The following SYT1 variants were observed in gnomAD, a reference collection of about 807,000 sequenced individuals.
The protein encoded by SYT1 is synaptotagmin 1.
A neutral mutation model predicts 44.8 loss-of-function variants in SYT1; 8 were observed. That is an observed-to-expected ratio of 0.18 (90% CI 0.10 to 0.32). The LOEUF is 0.32. SYT1 is among the 10% of genes least tolerant of loss of function. The pLI is 1.00. For synonymous variants in SYT1, 154 were observed against 188.8 expected, an observed-to-expected ratio of 0.82 and a Z score of 1.51; for missense variants, 286 against 509.3, an observed-to-expected ratio of 0.56 and a Z score of 4.22.
At chr12:79,429,935 T>G (rs1180438657) in intron 9 of SYT1, among the ~76,000 whole-genome samples, 1 of 152,226 alleles carries the variant, frequency 6.6e-6, no homozygotes, top group Non-Finnish European at 1.5e-5. Flanking sequence ...ATGGATTTCC[T>G]ATTTATGAAA....
At chr12:79,420,012 C>T (rs575348100) in intron 9 of SYT1, among the ~76,000 whole-genome samples, 1 of 152,174 alleles carries the variant, frequency 6.6e-6, no homozygotes, top group African/African-American at 2.4e-5. Flanking sequence ...ATTAAAGTAA[C>T]GTTGTTACTT....
At chr12:79,153,671 G>A (rs1277234750) in intron 3 of SYT1, among the ~76,000 whole-genome samples, 2 of 152,092 alleles carry the variant, frequency 1.3e-5, no homozygotes, top group Admixed American at 6.6e-5. Context: ...TCGTTAAGTG[G>A]ACTTCATAGA....
At chr12:79,346,842 T>C (rs1371167036) in intron 8 of SYT1, among the ~76,000 whole-genome samples, 1 of 152,168 alleles carries the variant, frequency 6.6e-6, no homozygotes, top group African/African-American at 2.4e-5. Context: ...ATTATGTGCC[T>C]GGAGCTAGGC....
intron 4 of SYT1, among the ~76,000 whole-genome samples, chr12:79,251,828 T>C (rs763780193): frequency 2.0e-5 from 3 of 152,192 alleles, no homozygotes; most frequent in Non-Finnish European, 4.4e-5. Context: ...CTTACTTCCA[T>C]GCTTTGGAAA....
intron 9 of SYT1, among the ~76,000 whole-genome samples, chr12:79,375,147 G>A (rs1489181392): frequency 6.6e-6 from 1 of 151,660 alleles, no homozygotes; most frequent in African/African-American, 2.4e-5. Context: ...CATTTTCTTA[G>A]CTTACGACCT....
At chr12:79,349,017 A>AAGAAAGAAAG (rs1304528498) in intron 8 of SYT1, among the ~76,000 whole-genome samples, 11 of 138,752 alleles carry the variant, frequency 7.9e-5, no homozygotes, top group Non-Finnish European at 1.7e-4. Context: ...GAAAGAAAGA[A>AAGAAAGAAAG]AGAAAGAAAG....
At chr12:78,981,042 G>C (rs572871854) in intron 2 of SYT1, among the ~76,000 whole-genome samples, 5 of 151,794 alleles carry the variant, frequency 3.3e-5, no homozygotes, top group South Asian at 2.1e-4. Flanking sequence ...CTCATAAATG[G>C]TAGGCTTATA....
intron 8 of SYT1, among the ~76,000 whole-genome samples, chr12:79,317,084 G>T (rs1359621710): frequency 2.0e-5 from 3 of 152,110 alleles, no homozygotes; most frequent in Non-Finnish European, 4.4e-5. Context: ...CGGATACATC[G>T]AGTAGCTATT....
intron 3 of SYT1, among the ~76,000 whole-genome samples, chr12:79,083,656 C>T (rs1592732803): frequency 6.6e-6 from 1 of 151,740 alleles, no homozygotes; most frequent in African/African-American, 2.4e-5. Flanking sequence ...ATCTTTAAGT[C>T]TAGAAAATAG....
intron 3 of SYT1, among the ~76,000 whole-genome samples, chr12:79,123,108 A>G (rs1404001287): frequency 1.3e-5 from 2 of 152,194 alleles, no homozygotes; most frequent in Non-Finnish European, 2.9e-5. Flanking sequence ...AAAAGCTTCA[A>G]ACTAATTTAC....
chr12:79,121,203 C>A (rs954712467), intron 3 of SYT1, among the ~76,000 whole-genome samples: 1 of 151,926 alleles, frequency 6.6e-6, no homozygotes, highest in African/African-American at 2.4e-5. Context: ...CACGAGCATC[C>A]CATTGCCCAC....
chr12:79,423,683 C>T (rs1171167678), intron 9 of SYT1, among the ~76,000 whole-genome samples: 1 of 151,984 alleles, frequency 6.6e-6, no homozygotes, highest in East Asian at 1.9e-4. Context: ...AAATGGATTG[C>T]CTCAGATCTA....
chr12:79,208,821 A>C (rs1874271811), intron 3 of SYT1, among the ~76,000 whole-genome samples: 1 of 152,184 alleles, frequency 6.6e-6, no homozygotes, highest in African/African-American at 2.4e-5. Flanking sequence ...TCTCTTCTTA[A>C]AGTAAACCTA....
chr12:79,345,220 A>G (rs1882555351), intron 8 of SYT1, among the ~76,000 whole-genome samples: 1 of 152,202 alleles, frequency 6.6e-6, no homozygotes, highest in Admixed American at 6.5e-5. Context: ...CTACATTTGC[A>G]TGGCCAGCAC....
chr12:79,299,683 G>A, intron 8 of SYT1, 132 bp downstream of exon 8: 1 of 1,112,920 alleles, frequency 9.0e-7, no homozygotes, highest in Non-Finnish European at 1.2e-6. Context: ...GATAAAATAG[G>A]GTCAAGGGCA....
At chr12:79,366,011 G>A (rs1883527607) in intron 9 of SYT1, among the ~76,000 whole-genome samples, 1 of 152,098 alleles carries the variant, frequency 6.6e-6, no homozygotes, top group African/African-American at 2.4e-5. Context: ...CGCTATGAAA[G>A]TCATTTTGAA....
intron 8 of SYT1, among the ~76,000 whole-genome samples, chr12:79,352,645 A>T (rs1345480329): frequency 6.6e-6 from 1 of 152,074 alleles, no homozygotes; most frequent in Non-Finnish European, 1.5e-5. Flanking sequence ...TTAATTAATC[A>T]CCCTAGAAAA....
At chr12:79,026,210 A>G (rs568810110) in intron 2 of SYT1, among the ~76,000 whole-genome samples, 111 of 151,744 alleles carry the variant, frequency 7.3e-4, no homozygotes, top group African/African-American at 2.7e-3. Context: ...AAACATTTTA[A>G]AGGAAGAAGA....
chr12:79,197,394 GGATGGACTAAGAGT>G (rs1873524835), intron 3 of SYT1, among the ~76,000 whole-genome samples: 1 of 152,104 alleles, frequency 6.6e-6, no homozygotes, highest in Non-Finnish European at 1.5e-5. Flanking sequence ...GAGGAAATTA[GGATGGACTAAGAGT>G]GATGGGCTAG....
Sources: gnomAD v4.1 joint callset for allele counts (sites outside exome capture counted in the v4.1 genomes callset) on GRCh38, gnomAD v4.1.1 for gene constraint, MANE v1.5 for transcripts, NCBI Gene and HGNC (gene_info 2026-07-23, HGNC 2026-07-21) for gene names.